The following PCNX2 variants were observed in gnomAD, a reference collection of about 807,000 sequenced individuals.
PCNX2 encodes pecanex 2, also known as pecanex-like protein 2.
Under a neutral mutation model 223.8 loss-of-function variants are expected in PCNX2, and 168 were observed. The observed-to-expected ratio is 0.75, with a 90% CI of 0.66 to 0.85. The LOEUF is 0.85. PCNX2 is among the 40% of genes least tolerant of loss of function. The pLI is 0.00. For missense variants in PCNX2, 2,507 were observed against 2,675.5 expected (o/e 0.94, Z 1.39); for synonymous variants, 1,006 against 1,052.6 (o/e 0.96, Z 0.86).
chr1:233,322,020 ATTAG>A, the PCNX2 span, among the ~76,000 whole-genome samples: 3 of 152,290 alleles, frequency 2.0e-5, no homozygotes, highest in Admixed American at 1.3e-4. Flanking sequence ...CGAAGCAGTA[ATTAG>A]TTAAAGATTC....
chr1:233,005,665 TC>T (rs1044950040), intron 28 of PCNX2, among the ~76,000 whole-genome samples: 2 of 152,160 alleles, frequency 1.3e-5, no homozygotes, highest in Admixed American at 1.3e-4. Flanking sequence ...CTGGCTTTTT[TC>T]CCCCTGAGAG....
chr1:232,993,365 G>A (rs1004101208), intron 32 of PCNX2, among the ~76,000 whole-genome samples: 2 of 152,168 alleles, frequency 1.3e-5, no homozygotes, highest in Non-Finnish European at 2.9e-5. Context: ...GTGGAACTTC[G>A]AACTTGAGAG....
intron 10 of PCNX2, among the ~76,000 whole-genome samples, chr1:233,226,277 G>T (rs1040360523): frequency 6.6e-6 from 1 of 151,812 alleles, no homozygotes; most frequent in African/African-American, 2.4e-5. Context: ...TCTTTTTTCT[G>T]GGTGGGGGGG....
intron 21 of PCNX2, among the ~76,000 whole-genome samples, chr1:233,117,684 A>T (rs1353409610): frequency 1.3e-5 from 2 of 151,534 alleles, no homozygotes; most frequent in Non-Finnish European, 2.9e-5. Flanking sequence ...AATTCTTAAC[A>T]AGATATTAAC....
At chr1:233,040,693 G>T (rs756618477) in intron 25 of PCNX2, among the ~76,000 whole-genome samples, 2 of 151,666 alleles carry the variant, frequency 1.3e-5, no homozygotes, top group Non-Finnish European at 2.9e-5. Flanking sequence ...TCTCCACCAC[G>T]CCTCCTGCCG....
chr1:233,032,402 C>T (rs747104973), intron 25 of PCNX2, among the ~76,000 whole-genome samples: 2 of 152,024 alleles, frequency 1.3e-5, no homozygotes, highest in African/African-American at 2.4e-5. Flanking sequence ...CGCACCCAGC[C>T]GACAGTTTTC....
chr1:233,248,013 A>G (rs1008765302), intron 8 of PCNX2, among the ~76,000 whole-genome samples: 1 of 152,188 alleles, frequency 6.6e-6, no homozygotes, highest in Non-Finnish European at 1.5e-5. Context: ...AGAAGTTGCT[A>G]TCTGAGACTG....
intron 27 of PCNX2, 77 bp downstream of exon 27, chr1:233,016,844 G>A: frequency 6.5e-7 from 1 of 1,540,094 alleles, no homozygotes; most frequent in Non-Finnish European, 8.8e-7. Context: ...TAGAATATAA[G>A]AAAGAGATGG....
Position 233,150,207 on chromosome 1 carries a change from T to A in PCNX2, c.3517+10076A>T, listed in dbSNP as rs1571973420. ...CTAACTGATGGATTAATAACTTAAT[T>A]AAGAAGACGCCTAGTAGAACAAAGT... On this transcript the variant is annotated intron_variant, in intron 19 of 33. Transcript: ENST00000258229. 5.3e-5 allele frequency among the ~76,000 whole-genome samples: 8 copies of A among 152,236 alleles called. No homozygotes were observed. The South Asian group carries it at 1.7e-3, about 32-fold the overall frequency.
chr1:233,089,754 A>T (rs1673776478), intron 23 of PCNX2: 1 of 537,098 alleles, frequency 1.9e-6, no homozygotes, highest in Non-Finnish European at 2.6e-6. Context: ...GGACATTAAC[A>T]GTGGCTTGTA....
chr1:233,072,754 T>A (rs1672913147), intron 23 of PCNX2, among the ~76,000 whole-genome samples: 1 of 152,214 alleles, frequency 6.6e-6, no homozygotes, highest in African/African-American at 2.4e-5. Flanking sequence ...CAGTGTATAA[T>A]CCTAATAAGG....
At chr1:233,138,388 G>A (rs1296888513) in intron 20 of PCNX2, among the ~76,000 whole-genome samples, 1 of 152,184 alleles carries the variant, frequency 6.6e-6, no homozygotes, top group Non-Finnish European at 1.5e-5. Flanking sequence ...TCCTTGTCCT[G>A]AAGTTGAATA....
chr1:233,326,729 G>C, the PCNX2 span, among the ~76,000 whole-genome samples: 1 of 152,096 alleles, frequency 6.6e-6, no homozygotes, highest in African/African-American at 2.4e-5. Context: ...CACACGTTAG[G>C]AAATTCTGGC....
In PCNX2 at chr1:233,119,092, A is replaced by G. The variant is rs575181734; in HGVS notation, c.3837+15921T>C. Among the ~76,000 whole-genome samples the G allele has an allele frequency of 3.4e-4, 51 of 152,188 alleles. 1 individual carries two copies. The highest frequency in any genetic ancestry group is 5.7e-4 in the Non-Finnish European group (39 of 68,038). On this transcript the variant is annotated intron_variant, in intron 21 of 33. Coordinates refer to ENST00000258229, the MANE Select transcript of PCNX2 (RefSeq NM_014801.4). The stretch of plus-strand genomic sequence containing the variant: ...TGATTTTGACCAAGGTGCAAAAGCA[A>G]TTCGAGGAAGGAAAGACAGTCATTT...
At chr1:233,242,740 T>C (rs1477114842) in intron 8 of PCNX2, among the ~76,000 whole-genome samples, 1 of 152,216 alleles carries the variant, frequency 6.6e-6, no homozygotes, top group Non-Finnish European at 1.5e-5. Context: ...ATTTCAACTT[T>C]CTAAGCAGCT....
chr1:233,187,095 C>G (rs1444371793), intron 15 of PCNX2, among the ~76,000 whole-genome samples: 2 of 152,186 alleles, frequency 1.3e-5, no homozygotes, highest in African/African-American at 2.4e-5. Context: ...AAAGTGTGCA[C>G]AAGCAAGAAG....
chr1:233,240,598 T>G (rs1658705211), intron 8 of PCNX2, among the ~76,000 whole-genome samples: 1 of 152,158 alleles, frequency 6.6e-6, no homozygotes, highest in Non-Finnish European at 1.5e-5. Context: ...TTTGGTAAAC[T>G]AGTTTGGTTC....
chr1:233,130,366 T>C (rs963425761), intron 21 of PCNX2, among the ~76,000 whole-genome samples: 47 of 152,054 alleles, frequency 3.1e-4, no homozygotes, highest in African/African-American at 1.1e-3. Flanking sequence ...AGGCTGCCAT[T>C]CACTAGGAAG....
At chr1:233,183,995 T>C (rs1679954101) in intron 15 of PCNX2, among the ~76,000 whole-genome samples, 1 of 152,236 alleles carries the variant, frequency 6.6e-6, no homozygotes, top group Non-Finnish European at 1.5e-5. Flanking sequence ...TCTTATTTCA[T>C]TTCATACTTG....
Sources: gnomAD v4.1 joint callset for allele counts (sites outside exome capture counted in the v4.1 genomes callset) on GRCh38, gnomAD v4.1.1 for gene constraint, MANE v1.5 for transcripts, NCBI Gene and HGNC (gene_info 2026-07-23, HGNC 2026-07-21) for gene names.